The following DOCK7 variants were observed in gnomAD, a reference collection of about 807,000 sequenced individuals.
The protein encoded by DOCK7 is dedicator of cytokinesis 7, also known as dedicator of cytokinesis protein 7.
In DOCK7, 138 loss-of-function variants were observed where a neutral mutation model predicts 271.0. The observed-to-expected ratio is 0.51, with a 90% CI of 0.44 to 0.59. DOCK7 has a LOEUF of 0.59. Ranked by LOEUF, DOCK7 falls within the 20% of genes least tolerant of loss-of-function variation. The probability of loss-of-function intolerance (pLI) is 0.00; values close to 1 mark genes in which losing one functional copy is unlikely to be tolerated. For synonymous variants in DOCK7, 823 were observed against 876.1 expected (o/e 0.94, Z 1.07); for missense variants, 2,066 against 2,592.4 (o/e 0.80, Z 4.41).
chr1:62,559,311 T>G, intron 19 of DOCK7, 91 bp from the exon 20 acceptor site: 1 of 901,344 alleles, frequency 1.1e-6, no homozygotes, highest in South Asian at 1.8e-5. Context: ...CATGTCATAT[T>G]ACTTGATAAC....
rs749395043 is a variant in DOCK7, at chr1:62,653,944, T to C, written c.320+40A>G. The C allele has an allele frequency of 1.4e-5, 23 of 1,591,662 alleles. No individual in the cohort carries two copies. The South Asian group carries it at 2.2e-4, about 15-fold the overall frequency. ...AAAATAATGGAAGGTAGCCTTTCTA[T>C]AGTTCCTCTAAAGCCAAAAATAAGT... On this transcript the variant is annotated intron_variant, in intron 3 of 49. Transcript: ENST00000635253.
chr1:62,492,903 T>C (rs1013541823), intron 40 of DOCK7, 56 bp from the exon 41 acceptor site: 14 of 1,447,398 alleles, frequency 9.7e-6, no homozygotes, highest in Admixed American at 2.0e-5. Context: ...AGCATAAAAA[T>C]GTATAAGAAG....
In DOCK7 at chr1:62,474,034, G is replaced by C; in HGVS notation, c.6160C>G (p.Leu2054Val). 6.2e-7 allele frequency: 1 copy of C among 1,614,048 alleles called. No individual in the cohort carries two copies. Among genetic ancestry groups the C allele is most frequent in the Non-Finnish European group, 8.5e-7 (1 of 1,179,962 alleles). ...CGCAGTTTATTATGATGTCTGAAGA[G>C]CTTTGGGTCACTAGGTATTTCAGAC... is the stretch of plus-strand genomic sequence containing the variant. ...FLSEIPSDPK[L>V]FRHHNKLRLC... The change falls in exon 48 of 50, where the codon CTC (leucine) becomes GTC (valine). Residue 2054 changes from leucine (L) to valine (V), a missense_variant. This residue lies in a region of DOCK7 where 652 missense variants were observed against 922.1 expected (regional missense o/e 0.71). Coordinates refer to ENST00000635253, the MANE Select transcript of DOCK7 (RefSeq NM_001367561.1).
intron 20 of DOCK7, among the ~76,000 whole-genome samples, chr1:62,556,232 G>C (rs1415230745): frequency 6.6e-6 from 1 of 151,900 alleles, no homozygotes; most frequent in Non-Finnish European, 1.5e-5. Flanking sequence ...ATATGGGTTT[G>C]ATTAGTCAAA....
chr1:62,533,698 ACACATGTCTTT>A (rs1470039256), intron 29 of DOCK7, among the ~76,000 whole-genome samples: 1 of 152,194 alleles, frequency 6.6e-6, no homozygotes. Flanking sequence ...ATTATAAAAA[ACACATGTCTTT>A]CACTTGCAGA....
Position 62,537,912 on chromosome 1 carries a change from A to G in DOCK7, c.3450T>C (p.Ser1150=), listed in dbSNP as rs371759341. The part of the protein sequence containing the change: ...LLTPPASPSP[S]VSSATSQSSG... ...ATACCTGAGATGTTGCAGAAGAAAC[A>G]GAAGGTGATGGAGATGCAGGTGGAG... is the stretch of plus-strand genomic sequence containing the variant. The change falls in exon 28 of 50, where the codon TCT becomes TCC. Residue 1150 remains serine (S), a synonymous_variant. Transcript: ENST00000635253. 13 of 1,613,698 alleles carry G rather than the reference A, an allele frequency of 8.1e-6. No individual in the cohort carries two copies. The African/African-American group carries it at 1.5e-4, about 18-fold the overall frequency.
At chr1:62,610,590 A>G (rs1651644305) in intron 14 of DOCK7, among the ~76,000 whole-genome samples, 1 of 151,912 alleles carries the variant, frequency 6.6e-6, no homozygotes, top group African/African-American at 2.4e-5. Flanking sequence ...TACATTAGGT[A>G]TTTCTCCTAA....
Position 62,653,892 on chromosome 1 carries a change from T to C in DOCK7, c.320+92A>G. On this transcript the variant is annotated intron_variant, in intron 3 of 49. Coordinates refer to ENST00000635253, the MANE Select transcript of DOCK7 (RefSeq NM_001367561.1). ...TCGCTGTTTGCGTAACAGGAAATGA[T>C]GATGCTATAAGAAGTAGGCTCTAAA... 2.0e-6 allele frequency: 3 copies of C among 1,505,454 alleles called. No individual in the cohort carries two copies. In the East Asian group the frequency reaches 6.8e-5, roughly 34 times the overall value. The allele number at this position is 1,505,454 out of a possible 1,614,324, so 93.3% of individuals were successfully genotyped here.
At chr1:62,506,365 A>G (rs1327650210) in intron 35 of DOCK7, among the ~76,000 whole-genome samples, 1 of 152,336 alleles carries the variant, frequency 6.6e-6, no homozygotes, top group East Asian at 1.9e-4. Context: ...AATGAAATAC[A>G]GACATGATGG....
chr1:62,528,614 C>T (rs1360953038), intron 30 of DOCK7, among the ~76,000 whole-genome samples: 2 of 152,124 alleles, frequency 1.3e-5, no homozygotes, highest in Non-Finnish European at 2.9e-5. Flanking sequence ...TCTCTTAAGG[C>T]AAATAGCTGG....
At chr1:62,663,184 C>G in intron 1 of DOCK7, 54 bp from the exon 2 acceptor site, 1 of 1,279,226 alleles carries the variant, frequency 7.8e-7, no homozygotes. Flanking sequence ...AAAAACTAAA[C>G]TAGTTTAAAA....
At chr1:62,553,330 A>ATG in intron 21 of DOCK7, among the ~76,000 whole-genome samples, 1 of 3,632 alleles carries the variant, frequency 2.8e-4, no homozygotes, top group African/African-American at 1.2e-3. Context: ...ATATATATAT[A>ATG]TATATATATA....
intron 18 of DOCK7, among the ~76,000 whole-genome samples, chr1:62,563,312 T>C (rs1646394108): frequency 6.6e-6 from 1 of 152,174 alleles, no homozygotes; most frequent in Non-Finnish European, 1.5e-5. Context: ...AGTCGCATGG[T>C]AACTATAATG....
At chr1:62,640,441 G>A (rs1305102418) in intron 7 of DOCK7, among the ~76,000 whole-genome samples, 3 of 152,166 alleles carry the variant, frequency 2.0e-5, no homozygotes, top group Non-Finnish European at 4.4e-5. Context: ...AGAATCACTT[G>A]AACCCGGGAG....
intron 43 of DOCK7, chr1:62,478,191 T>C (rs1646019116): frequency 5.9e-6 from 1 of 169,812 alleles, no homozygotes; most frequent in Non-Finnish European, 1.3e-5. Context: ...GTCTTAATTG[T>C]ACTGATACTA....
intron 14 of DOCK7, among the ~76,000 whole-genome samples, chr1:62,611,313 C>A (rs930742178): frequency 1.3e-5 from 2 of 152,042 alleles, no homozygotes; most frequent in African/African-American, 2.4e-5. Context: ...GATTGAGTAT[C>A]CCTTATTCAA....
intron 14 of DOCK7, chr1:62,608,832 G>C (rs1251086353): frequency 6.8e-6 from 1 of 146,906 alleles, no homozygotes; most frequent in Non-Finnish European, 1.5e-5. Context: ...CTTCCTAATA[G>C]CATAACTCAT....
At chr1:62,626,833 C>T (rs548914488) in intron 11 of DOCK7, among the ~76,000 whole-genome samples, 1 of 152,148 alleles carries the variant, frequency 6.6e-6, no homozygotes, top group Admixed American at 6.5e-5. Context: ...CAAAGAATAC[C>T]AATCCTTCAA....
intron 14 of DOCK7, chr1:62,604,604 C>G: frequency 6.2e-7 from 1 of 1,600,952 alleles, no homozygotes. Context: ...GAGTCTGTAC[C>G]CATTAAATTG....
Sources: allele counts gnomAD v4.1 joint callset (sites outside exome capture counted in the v4.1 genomes callset), GRCh38; gene constraint gnomAD v4.1.1; regional missense constraint gnomAD v4.1.1; transcripts MANE v1.5; gene names NCBI Gene and HGNC (gene_info 2026-07-23, HGNC 2026-07-21).